The following PTPRS variants were observed in gnomAD, a reference collection of about 807,000 sequenced individuals.
PTPRS encodes protein tyrosine phosphatase receptor type S, also known as receptor-type tyrosine-protein phosphatase S.
In PTPRS, 63 loss-of-function variants were observed where a neutral mutation model predicts 215.3. The observed-to-expected ratio is 0.29, with a 90% CI of 0.24 to 0.36. The LOEUF (loss-of-function observed/expected upper bound fraction) is 0.36. Ranked by LOEUF, PTPRS falls within the 10% of genes least tolerant of loss-of-function variation. PTPRS has a pLI of 1.00. For synonymous variants in PTPRS, 1,404 were observed against 1,191.4 expected (o/e 1.18, Z -3.68); for missense variants, 2,258 against 2,825.8 (o/e 0.80, Z 4.56).
intron 1 of PTPRS, among the ~76,000 whole-genome samples, chr19:5,319,413 CTTTT>C (rs78544674): frequency 7.4e-6 from 1 of 135,322 alleles, no homozygotes; most frequent in South Asian, 2.4e-4. Flanking sequence ...CAGACCTTGT[CTTTT>C]TTTTTTTTTT....
chr19:5,241,625 G>A (rs1022269379), intron 11 of PTPRS, among the ~76,000 whole-genome samples: 2 of 151,720 alleles, frequency 1.3e-5, no homozygotes, highest in Non-Finnish European at 1.5e-5. Flanking sequence ...TTCTGTATCC[G>A]CTCACAGACA....
intron 1 of PTPRS, among the ~76,000 whole-genome samples, chr19:5,297,937 C>A (rs535950192): frequency 1.3e-4 from 19 of 151,900 alleles, no homozygotes; most frequent in South Asian, 4.2e-4. Context: ...GGATTACAGG[C>A]GCACACCACC....
chr19:5,223,445 C>G (rs943421448), intron 17 of PTPRS, 148 bp from the exon 18 acceptor site: 3 of 1,033,820 alleles, frequency 2.9e-6, no homozygotes, highest in Middle Eastern at 3.2e-4. Context: ...GCCTGGAGTG[C>G]AATGGTGAGA....
In PTPRS at chr19:5,218,476, G is replaced by C. The variant is rs779055431; in HGVS notation, c.3992C>G (p.Ala1331Gly). The change falls in exon 25 of 38, where the codon GCC (alanine) becomes GGC (glycine). Residue 1331 changes from alanine to glycine, a missense_variant. Around this residue, in one of 6 missense-constraint regions of PTPRS, gnomAD observed 927 missense variants for 1,125.9 expected, o/e 0.82. Coordinates refer to ENST00000262963, the MANE Select transcript of PTPRS (RefSeq NM_002850.4). ...TKCLLNNADL[A>G]PHHPKDPVEM... ...CACAGGGTCCTTGGGGTGGTGAGGG[G>C]CGAGGTCGGCATTGTTCAGGAGGCA... 1 of 1,614,140 alleles carries C rather than the reference G, an allele frequency of 6.2e-7. No individual in the cohort carries two copies. Among genetic ancestry groups the C allele is most frequent in the Non-Finnish European group, 8.5e-7 (1 of 1,180,016 alleles).
Position 5,293,558 on chromosome 19 carries a change from G to A in PTPRS, c.-94-7324C>T, listed in dbSNP as rs1445484008. Reference sequence around the variant, plus strand: ...CTCTACACTGCTCCTCGCTTCCCCAGCTCTGATCGTAGCCATGGCAACGCA... The same window carrying A: ...CTCTACACTGCTCCTCGCTTCCCCAACTCTGATCGTAGCCATGGCAACGCA... On this transcript the variant is annotated intron_variant, in intron 1 of 37. Coordinates refer to ENST00000262963, the MANE Select transcript of PTPRS (RefSeq NM_002850.4). This position sits in a 1 kb window ranked among gnomAD's most constrained non-coding sequence, Gnocchi z 8.4. Among the ~76,000 whole-genome samples, 1 of 152,206 alleles carries A rather than the reference G, an allele frequency of 6.6e-6. No individual in the cohort carries two copies. The highest frequency in any genetic ancestry group is 1.5e-5 in the Non-Finnish European group (1 of 68,028).
intron 1 of PTPRS, among the ~76,000 whole-genome samples, chr19:5,337,353 C>A (rs1294855027): frequency 6.6e-6 from 1 of 152,220 alleles, no homozygotes; most frequent in African/African-American, 2.4e-5. Flanking sequence ...AACGCGGGGC[C>A]ACGGGGCGCT....
chr19:5,215,202 G>T, intron 28 of PTPRS, 87 bp downstream of exon 28: 1 of 1,551,806 alleles, frequency 6.4e-7, no homozygotes. Context: ...CCAGAATCAG[G>T]CCTCAGTGGC....
At chr19:5,297,067 C>T (rs1288553419) in intron 1 of PTPRS, among the ~76,000 whole-genome samples, 1 of 147,564 alleles carries the variant, frequency 6.8e-6, no homozygotes, top group East Asian at 1.9e-4. Flanking sequence ...TTAAGGGTGG[C>T]CACCTCCAGG....
Position 5,240,344 on chromosome 19 carries a change from CAG to C in PTPRS, c.1571-14_1571-13del. 6.3e-7 allele frequency: 1 copy of C among 1,577,346 alleles called. No homozygotes were observed. Among genetic ancestry groups the C allele is most frequent in the Non-Finnish European group, 8.6e-7 (1 of 1,162,822 alleles). ...GGGCTGGCCCGGCACTGTGGGGGTG[CAG>C]GGAGACAACTAGGAGTCGGGGAGCG... On this transcript the variant is annotated splice_polypyrimidine_tract_variant and intron_variant, in intron 11 of 37. Coordinates refer to ENST00000262963, the MANE Select transcript of PTPRS (RefSeq NM_002850.4).
intron 1 of PTPRS, among the ~76,000 whole-genome samples, chr19:5,322,751 C>G (rs141768779): frequency 6.6e-6 from 1 of 151,602 alleles, no homozygotes; most frequent in African/African-American, 2.4e-5. Context: ...TGGTGGCGCA[C>G]GCCTATAATC....
chr19:5,206,542 A>T lies in PTPRS; in HGVS notation c.*232T>A. 1.1e-5 allele frequency: 3 copies of T among 271,438 alleles called. No homozygotes were observed. The highest frequency in any genetic ancestry group is 2.2e-5 in the Non-Finnish European group (3 of 137,560). The allele number at this position is 271,438 out of a possible 1,614,324, so 16.8% of individuals were successfully genotyped here. A position where few individuals can be genotyped will look rare whatever the true frequency, so the allele number is the denominator to read the frequency against. On this transcript the variant is annotated 3_prime_UTR_variant, in exon 38 of 38. Transcript: ENST00000262963. Reference sequence around the variant, plus strand: ...GTTTTGGAATTGGAAGGAAAGGAGGAATGTGCCAAGTATTTGAAGGCGGCG... The same window carrying T: ...GTTTTGGAATTGGAAGGAAAGGAGGTATGTGCCAAGTATTTGAAGGCGGCG...
At chr19:5,306,968 A>G (rs1406114442) in intron 1 of PTPRS, among the ~76,000 whole-genome samples, 1 of 152,226 alleles carries the variant, frequency 6.6e-6, no homozygotes, top group Non-Finnish European at 1.5e-5. Flanking sequence ...AAAGGCTTGA[A>G]GCAACCTGAA....
chr19:5,307,333 G>T (rs1321760866), intron 1 of PTPRS, among the ~76,000 whole-genome samples: 1 of 143,522 alleles, frequency 7.0e-6, no homozygotes, highest in Non-Finnish European at 1.6e-5. Context: ...ATAAATGAAT[G>T]AATGAATAAA....
intron 16 of PTPRS, among the ~76,000 whole-genome samples, chr19:5,228,761 C>T (rs886820355): frequency 6.6e-6 from 1 of 152,240 alleles, no homozygotes; most frequent in African/African-American, 2.4e-5. Context: ...AGTCACACAG[C>T]AATTCCTCTC....
intron 7 of PTPRS, among the ~76,000 whole-genome samples, chr19:5,260,564 G>A (rs1051139935): frequency 4.1e-4 from 62 of 152,242 alleles, no homozygotes; most frequent in African/African-American, 1.5e-3. Flanking sequence ...TCCCAGAGGG[G>A]GAGAGAGCGC....
intron 1 of PTPRS, among the ~76,000 whole-genome samples, chr19:5,300,767 C>CAAAAAAAAAAA (rs59799136): frequency 4.1e-5 from 4 of 97,722 alleles, no homozygotes; most frequent in Admixed American, 1.1e-4. Flanking sequence ...GACTCCGTCT[C>CAAAAAAAAAAA]AAAAAAAAAA....
At chr19:5,216,948 C>T (rs2041533027) in intron 25 of PTPRS, among the ~76,000 whole-genome samples, 181 bp from the exon 26 acceptor site, 1 of 152,202 alleles carries the variant, frequency 6.6e-6, no homozygotes, top group Non-Finnish European at 1.5e-5. Flanking sequence ...TAACTGTGTA[C>T]CCCTCTGGCT....
At chr19:5,308,853 C>A (rs556151371) in intron 1 of PTPRS, among the ~76,000 whole-genome samples, 223 of 152,340 alleles carry the variant, frequency 1.5e-3, no homozygotes, top group Non-Finnish European at 2.2e-3. Flanking sequence ...TGGTTCTTGG[C>A]CCGGATCCTA....
intron 13 of PTPRS, among the ~76,000 whole-genome samples, chr19:5,232,599 G>A (rs1215929334): frequency 6.7e-6 from 1 of 149,986 alleles, no homozygotes; most frequent in Non-Finnish European, 1.5e-5. Context: ...CCATACCAAG[G>A]GGAATGGCAA....
Sources: allele counts gnomAD v4.1 joint callset (sites outside exome capture counted in the v4.1 genomes callset), GRCh38; gene constraint gnomAD v4.1.1; regional missense constraint gnomAD v4.1.1; non-coding constraint Gnocchi (gnomAD v3.1); transcripts MANE v1.5; gene names NCBI Gene and HGNC (gene_info 2026-07-23, HGNC 2026-07-21).